Variants in TGM2 observed in about 807,000 individuals in gnomAD.
The protein encoded by TGM2 is protein-glutamine gamma-glutamyltransferase 2.
In TGM2, 53 loss-of-function variants were observed where a neutral mutation model predicts 75.6. The observed-to-expected ratio is 0.70, with a 90% CI of 0.56 to 0.88. The LOEUF (loss-of-function observed/expected upper bound fraction) is 0.88, where lower values mean the gene tolerates loss of function less well. TGM2 is among the 40% of genes least tolerant of loss of function. The pLI is 0.00. For missense variants in TGM2, 842 were observed against 928.5 expected (o/e 0.91, Z 1.21); for synonymous variants, 374 against 381.1 (o/e 0.98, Z 0.22).
intron 10 of TGM2, chr20:38,137,868 C>T (rs1306113775): frequency 2.4e-6 from 2 of 836,112 alleles, no homozygotes; most frequent in Admixed American, 6.1e-5. Flanking sequence ...AAGAAAATTA[C>T]TTAACCTCTC....
At position 38,139,451 on chromosome 20, in the gene TGM2, C is replaced by T. The variant is rs567882329; in HGVS notation, c.1303G>A (p.Glu435Lys). 9.3e-6 allele frequency: 15 copies of T among 1,614,062 alleles called. No homozygotes were observed. Among genetic ancestry groups the T allele is most frequent in the Admixed American group, 3.3e-5 (2 of 60,010 alleles). ...TAGGTGTGGGTGATATCCTCCCGCT[C>T]GTCTCGGCCCACGCTCTTAGTGCTG... ...KISTKSVGRD[E>K]REDITHTYKY... is the part of the protein sequence containing the mutation. The change falls in exon 9 of 13, where the codon GAG (glutamate) becomes AAG (lysine). Residue 435 changes from glutamate to lysine, a missense_variant. Physicochemically the swap from Glu to Lys is moderately conservative, Grantham distance 56. Coordinates refer to ENST00000361475, the MANE Select transcript of TGM2 (RefSeq NM_004613.4).
chr20:38,149,932 A>T (rs762820186), intron 4 of TGM2, among the ~76,000 whole-genome samples: 11 of 152,178 alleles, frequency 7.2e-5, no homozygotes, highest in Non-Finnish European at 1.5e-4. Context: ...CTGAGATCAT[A>T]CAGGGAAGAT....
chr20:38,139,451 C>G lies in TGM2; in HGVS notation c.1303G>C (p.Glu435Gln), dbSNP rs567882329. The change falls in exon 9 of 13, where the codon GAG becomes CAG. Residue 435 changes from glutamate (E) to glutamine (Q), a missense_variant. Coordinates refer to ENST00000361475, the MANE Select transcript of TGM2 (RefSeq NM_004613.4). ...KISTKSVGRD[E>Q]REDITHTYKY... ...TAGGTGTGGGTGATATCCTCCCGCT[C>G]GTCTCGGCCCACGCTCTTAGTGCTG... The G allele has an allele frequency of 2.5e-6, 4 of 1,614,180 alleles. No homozygotes were observed. The highest frequency in any genetic ancestry group is 3.4e-6 in the Non-Finnish European group (4 of 1,180,032).
chr20:38,143,063 G>C (rs540874229), intron 6 of TGM2, among the ~76,000 whole-genome samples: 2 of 152,228 alleles, frequency 1.3e-5, no homozygotes, highest in South Asian at 2.1e-4. Context: ...TGAGGGATCT[G>C]TCTTATGTTA....
chr20:38,148,480 G>T (rs922037871), intron 4 of TGM2, among the ~76,000 whole-genome samples: 1 of 152,026 alleles, frequency 6.6e-6, no homozygotes, highest in African/African-American at 2.4e-5. Flanking sequence ...CCCAAGGCGT[G>T]ACCCACCCTG....
upstream of TGM2, among the ~76,000 whole-genome samples, chr20:38,165,917 C>T (rs1344346584): frequency 6.6e-6 from 1 of 152,038 alleles, no homozygotes; most frequent in Non-Finnish European, 1.5e-5. Flanking sequence ...AGCCAGGTAG[C>T]CTTGACCGCG....
At chr20:38,132,280 T>G (rs1169323043) in intron 11 of TGM2, 60 bp downstream of exon 11, 8 of 1,589,582 alleles carry the variant, frequency 5.0e-6, no homozygotes, top group Non-Finnish European at 6.9e-6. Context: ...GGTAGGGATC[T>G]GCCCTCTCCC....
intron 2 of TGM2, among the ~76,000 whole-genome samples, chr20:38,157,785 G>C (rs2075205894): frequency 6.6e-6 from 1 of 152,348 alleles, no homozygotes; most frequent in South Asian, 2.1e-4. Context: ...GGTTCCGTGA[G>C]AGAGTTCATA....
At position 38,130,220 on chromosome 20, in the gene TGM2, T is replaced by C; in HGVS notation, c.2063A>G (p.Ter688=). The C allele has an allele frequency of 6.2e-7, 1 of 1,613,378 alleles. No homozygotes were observed. Among genetic ancestry groups the C allele is most frequent in the Non-Finnish European group, 8.5e-7 (1 of 1,179,884 alleles). Reference sequence around the variant, plus strand: ...CAGCAGGCTGGGAGCAGGGGTCCCTTAGGCGGGGCCAATGATGACATTCCG... The same window carrying C: ...CAGCAGGCTGGGAGCAGGGGTCCCTCAGGCGGGGCCAATGATGACATTCCG... ...GFRNVIIGPA[*] is the part of the protein sequence containing the mutation. The change falls in exon 13 of 13, where the codon TAA becomes TGA. Residue 688 remains the stop codon, a stop_retained_variant. Transcript: ENST00000361475.
chr20:38,128,415 C>G lies in TGM2; in HGVS notation c.*1804G>C, dbSNP rs1378370069. Reference sequence around the variant, plus strand: ...GGGGGTCCAGGTGTGAGCGAGCTCACCTACCCATCTCCCTCCAAACTCATA... The same window carrying G: ...GGGGGTCCAGGTGTGAGCGAGCTCAGCTACCCATCTCCCTCCAAACTCATA... On this transcript the variant is annotated 3_prime_UTR_variant, in exon 13 of 13. Transcript: ENST00000361475. 3 of 152,168 alleles carry G rather than the reference C, an allele frequency of 2.0e-5. No individual in the cohort carries two copies. The highest frequency in any genetic ancestry group is 3.9e-4 in the East Asian group (2 of 5,182). The allele number at this position is 152,168 out of a possible 1,614,324, so 9.4% of individuals were successfully genotyped here.
chr20:38,148,030 C>T lies in TGM2; in HGVS notation c.612G>A (p.Leu204=), dbSNP rs766709877. Residue 204 remains leucine (L), a synonymous_variant, in exon 5 of 13, where the codon CTG becomes CTA. Coordinates refer to ENST00000361475, the MANE Select transcript of TGM2 (RefSeq NM_004613.4). The part of the protein sequence containing the change: ...LILLDVNPKF[L]KNAGRDCSRR... ...GGGAGCAGTCACGGCCGGCGTTCTT[C>T]AGGAACTTGGGGTTGACATCTAGAA... 8.1e-6 allele frequency: 13 copies of T among 1,614,016 alleles called. No homozygotes were observed. The South Asian group carries it at 1.4e-4, about 18-fold the overall frequency.
intron 2 of TGM2, among the ~76,000 whole-genome samples, chr20:38,161,059 C>A (rs1310883920): frequency 1.3e-5 from 2 of 152,112 alleles, no homozygotes; most frequent in Non-Finnish European, 2.9e-5. Context: ...CCCTCCTCAG[C>A]CTCCCAAAGT....
chr20:38,129,045 T>G lies in TGM2; in HGVS notation c.*1174A>C, dbSNP rs996081067. ...GCATAGGAAGGAACCAGGACAGGGC[T>G]GGGGACAGAAGGTGGTCACAGTCAT... On this transcript the variant is annotated 3_prime_UTR_variant, in exon 13 of 13. Transcript: ENST00000361475. 5 of 152,538 alleles carry G rather than the reference T, an allele frequency of 3.3e-5. No homozygotes were observed. Among genetic ancestry groups the G allele is most frequent in the African/African-American group, 1.2e-4 (5 of 41,446 alleles). The allele number at this position is 152,538 out of a possible 1,614,324, so 9.4% of individuals were successfully genotyped here. A position where few individuals can be genotyped will look rare whatever the true frequency, so the allele number is the denominator to read the frequency against.
At chr20:38,133,203 C>A (rs1326182090) in intron 10 of TGM2, 1 of 225,658 alleles carries the variant, frequency 4.4e-6, no homozygotes, top group Non-Finnish European at 9.1e-6. Context: ...AGGTCATTTC[C>A]CTCCACGAGG....
At chr20:38,165,327 G>A (rs918585883), upstream of TGM2, 3 of 1,437,004 alleles carry the variant, frequency 2.1e-6, no homozygotes, top group African/African-American at 2.8e-5. Context: ...CCGGGGGCGG[G>A]GCCCCGCGGG....
intron 3 of TGM2, among the ~76,000 whole-genome samples, chr20:38,154,385 T>G (rs962285746): frequency 6.6e-6 from 1 of 152,170 alleles, no homozygotes; most frequent in African/African-American, 2.4e-5. Context: ...GATGCTTCTT[T>G]CCCTGCTTTG....
rs533577438 is a variant in TGM2 at position 38,153,451 on chromosome 20, G to T, written c.434-2394C>A. ...GAGGCATGAGAATCATTTCAACCCG[G>T]GAGGCAGAGGTTGGAGTGAGGCGAG... On this transcript the variant is annotated intron_variant, in intron 3 of 12. Transcript: ENST00000361475. Among the ~76,000 whole-genome samples the T allele has an allele frequency of 6.4e-4, 97 of 151,650 alleles. 1 individual carries two copies. The highest frequency in any genetic ancestry group is 3.4e-3 in the Middle Eastern group (1 of 294).
Position 38,146,735 on chromosome 20 carries a change from C to T in TGM2, c.841G>A (p.Ala281Thr), listed in dbSNP as rs967969723. The T allele has an allele frequency of 3.5e-5, 57 of 1,612,870 alleles. No homozygotes were observed. The highest frequency in any genetic ancestry group is 4.5e-5 in the East Asian group (2 of 44,850). Residue 281 changes from alanine to threonine, a missense_variant, in exon 6 of 13, where the codon GCC (alanine) becomes ACC (threonine). Ala to Thr is a moderately conservative substitution (Grantham distance 58, BLOSUM62 0). Coordinates refer to ENST00000361475, the MANE Select transcript of TGM2 (RefSeq NM_004613.4). ...RVKYGQCWVF[A>T]AVACTVLRCL... Reference sequence around the variant, plus strand: ...AGCTCACCTGTGCAGGCCACGGCGGCGAAGACCCAGCACTGGCCATACTTG... The same window carrying T: ...AGCTCACCTGTGCAGGCCACGGCGGTGAAGACCCAGCACTGGCCATACTTG...
intron 2 of TGM2, among the ~76,000 whole-genome samples, chr20:38,159,258 C>G (rs1271769574): frequency 3.3e-5 from 5 of 152,078 alleles, no homozygotes; most frequent in Admixed American, 6.6e-5. Context: ...AACGCAGGAG[C>G]AGAAAAGCAA....
Sources: allele counts gnomAD v4.1 joint callset (sites outside exome capture counted in the v4.1 genomes callset), GRCh38; gene constraint gnomAD v4.1.1; transcripts MANE v1.5; gene names NCBI Gene and HGNC (gene_info 2026-07-23, HGNC 2026-07-21).